Variants in P4HA1 observed in about 807,000 individuals in gnomAD.
The protein encoded by P4HA1 is prolyl 4-hydroxylase subunit alpha-1.
In P4HA1, 24 loss-of-function variants were observed where a neutral mutation model predicts 72.8. That is an observed-to-expected ratio of 0.33 (90% CI 0.24 to 0.46). The LOEUF is 0.46. Among genes scored for constraint, P4HA1 ranks in the 20% least tolerant of loss-of-function variants. The pLI is 1.00. For synonymous variants in P4HA1, 201 were observed against 218.8 expected (o/e 0.92, Z 0.72); for missense variants, 446 against 640.6 (o/e 0.70, Z 3.28).
chr10:73,028,379 G>A (rs1263084848), intron 10 of P4HA1, among the ~76,000 whole-genome samples: 1 of 151,406 alleles, frequency 6.6e-6, no homozygotes, highest in Non-Finnish European at 1.5e-5. Context: ...TAGAAAAAGG[G>A]AATTAACTGT....
chr10:73,016,987 A>G, intron 10 of P4HA1, 88 bp from the exon 11 acceptor site: 1 of 901,410 alleles, frequency 1.1e-6, no homozygotes, highest in Admixed American at 2.2e-5. Context: ...TTGGACTTTT[A>G]TAGATCATGG....
chr10:73,084,462 T>C (rs1249588669), intron 1 of P4HA1, among the ~76,000 whole-genome samples: 1 of 152,106 alleles, frequency 6.6e-6, no homozygotes. Context: ...ACCGGCCAAT[T>C]TTTTAAATTT....
At position 73,069,955 on chromosome 10, in the gene P4HA1, A is replaced by C. The variant is rs561974691; in HGVS notation, c.326-972T>G. On this transcript the variant is annotated intron_variant, in intron 4 of 14. Transcript: ENST00000394890. ...CCTCCCAGTAGCTGGGATTACAGGC[A>C]TGTGCCACCACACCTGGCTAATTTT... Among the ~76,000 whole-genome samples, 3 of 151,664 alleles carry C rather than the reference A, an allele frequency of 2.0e-5. No homozygotes were observed. In the South Asian group the frequency reaches 6.2e-4, roughly 32 times the overall value.
At chr10:73,069,004 G>C in intron 4 of P4HA1, 21 bp from the exon 5 acceptor site, 2 of 1,530,360 alleles carry the variant, frequency 1.3e-6, no homozygotes. Flanking sequence ...ATAAATCAAA[G>C]AAAAAAAAAC....
chr10:73,078,022 A>G (rs553193876), intron 1 of P4HA1, among the ~76,000 whole-genome samples: 2 of 150,408 alleles, frequency 1.3e-5, no homozygotes, highest in African/African-American at 2.4e-5. Context: ...AAAACAACCT[A>G]TCAAAAGCCA....
At chr10:73,093,873 A>AATATATATATATATATAT (rs1167437294) in intron 1 of P4HA1, among the ~76,000 whole-genome samples, 1 of 29,308 alleles carries the variant, frequency 3.4e-5, no homozygotes, top group East Asian at 6.8e-4. Context: ...AAAAAAAAAA[A>AATATATATATATATATAT]ATATATATAT....
chr10:73,036,688 A>G (rs2133071995), intron 9 of P4HA1, among the ~76,000 whole-genome samples: 1 of 152,272 alleles, frequency 6.6e-6, no homozygotes, highest in South Asian at 2.1e-4. Flanking sequence ...GTGAGCCGTC[A>G]CACCTGGCCC....
chr10:73,090,067 C>A (rs1157541316), intron 1 of P4HA1, among the ~76,000 whole-genome samples: 2 of 152,184 alleles, frequency 1.3e-5, no homozygotes, highest in Non-Finnish European at 2.9e-5. Context: ...CTTCTGGGCT[C>A]AAGCAGTCCT....
rs138327063 is a variant in P4HA1, at chr10:73,067,741, T to C, written c.463+1105A>G. On this transcript the variant is annotated intron_variant, in intron 5 of 14. Transcript: ENST00000394890. ...CCATTAGATCTCAATTTTTTTAATG[T>C]GTATCTTCCAGGAATTCTTCCTTTA... is the stretch of plus-strand genomic sequence containing the variant. Among the ~76,000 whole-genome samples the C allele has an allele frequency of 1.8e-3, 273 of 152,286 alleles. 3 individuals are homozygous for C. Among genetic ancestry groups the C allele is most frequent in the African/African-American group, 6.2e-3 (258 of 41,558 alleles).
intron 1 of P4HA1, among the ~76,000 whole-genome samples, chr10:73,088,621 T>C (rs1841968739): frequency 6.6e-6 from 1 of 152,276 alleles, no homozygotes; most frequent in South Asian, 2.1e-4. Flanking sequence ...TCATATCCAC[T>C]GGTGGATTCA....
chr10:73,032,002 A>G (rs540300208), intron 9 of P4HA1, among the ~76,000 whole-genome samples: 18 of 152,142 alleles, frequency 1.2e-4, no homozygotes, highest in Non-Finnish European at 1.5e-4. Context: ...ATCTAAGCGT[A>G]TATCTCTGTC....
At chr10:73,072,384 T>A (rs1400900885) in intron 3 of P4HA1, among the ~76,000 whole-genome samples, 1 of 152,238 alleles carries the variant, frequency 6.6e-6, no homozygotes, top group Non-Finnish European at 1.5e-5. Context: ...GGACTTTTTG[T>A]TTTAATTTTG....
At chr10:73,043,788 C>T in intron 9 of P4HA1, 1 of 874,328 alleles carries the variant, frequency 1.1e-6, no homozygotes, top group Middle Eastern at 2.7e-4. Context: ...TGCCTAACCA[C>T]CTAGGTCTTA....
intron 1 of P4HA1, among the ~76,000 whole-genome samples, chr10:73,076,154 T>C (rs892478193): frequency 6.6e-5 from 10 of 152,150 alleles, no homozygotes; most frequent in African/African-American, 2.4e-4. Context: ...TAAAAACCAT[T>C]GAATCATGAA....
chr10:73,091,633 C>G (rs1842034400), intron 1 of P4HA1, among the ~76,000 whole-genome samples: 1 of 152,172 alleles, frequency 6.6e-6, no homozygotes, highest in African/African-American at 2.4e-5. Flanking sequence ...GCTTCATACA[C>G]TGTTCAATGC....
At chr10:73,092,095 G>A (rs1464855837) in intron 1 of P4HA1, among the ~76,000 whole-genome samples, 1 of 152,044 alleles carries the variant, frequency 6.6e-6, no homozygotes, top group African/African-American at 2.4e-5. Flanking sequence ...AATTTCTCAA[G>A]TTGAGGTAAA....
intron 5 of P4HA1, among the ~76,000 whole-genome samples, chr10:73,057,496 AAAAC>A (rs1393731154): frequency 6.6e-6 from 1 of 152,124 alleles, no homozygotes; most frequent in Non-Finnish European, 1.5e-5. Flanking sequence ...TCTCTTAAAA[AAAAC>A]AAAAACAAAA....
chr10:73,085,322 C>T (rs577844054), intron 1 of P4HA1, among the ~76,000 whole-genome samples: 13 of 151,942 alleles, frequency 8.6e-5, no homozygotes, highest in Middle Eastern at 3.4e-3. Flanking sequence ...AAAGTATTTG[C>T]GAATCACATT....
intron 9 of P4HA1, among the ~76,000 whole-genome samples, chr10:73,033,624 G>A (rs1454024259): frequency 6.6e-6 from 1 of 152,162 alleles, no homozygotes; most frequent in Non-Finnish European, 1.5e-5. Flanking sequence ...AACTGCAAAA[G>A]TAAGAAATGC....
Sources: allele counts gnomAD v4.1 joint callset (sites outside exome capture counted in the v4.1 genomes callset), GRCh38; gene constraint gnomAD v4.1.1; transcripts MANE v1.5; gene names NCBI Gene and HGNC (gene_info 2026-07-23, HGNC 2026-07-21).